THBS3: variants seen among roughly 807,000 people sequenced by gnomAD.
The protein encoded by THBS3 is thrombospondin 3, also known as thrombospondin-3.
THBS3 carries 78 observed loss-of-function variants against 118.3 expected under a neutral mutation model. That is an observed-to-expected ratio of 0.66 (90% CI 0.55 to 0.80). THBS3 has a LOEUF of 0.80. Among genes scored for constraint, THBS3 ranks in the 30% least tolerant of loss-of-function variants. The probability of loss-of-function intolerance (pLI) is 0.00; values close to 1 mark genes in which losing one functional copy is unlikely to be tolerated. For missense variants in THBS3, 1,057 were observed against 1,247.4 expected, an observed-to-expected ratio of 0.85 and a Z score of 2.30; for synonymous variants, 427 against 475.3, an observed-to-expected ratio of 0.90 and a Z score of 1.32.
At chr1:155,204,254 CAG>C (rs1286433463) in intron 4 of THBS3, among the ~76,000 whole-genome samples, 1 of 152,140 alleles carries the variant, frequency 6.6e-6, no homozygotes, top group Non-Finnish European at 1.5e-5. Context: ...GGGCAACACT[CAG>C]AGAAATTGCT....
At chr1:155,200,244 T>C in intron 14 of THBS3, 131 bp from the exon 15 acceptor site, 1 of 1,033,684 alleles carries the variant, frequency 9.7e-7, no homozygotes, top group Non-Finnish European at 1.4e-6. Flanking sequence ...GTTTCTTGTC[T>C]CACCCTCTAG....
Position 155,202,409 on chromosome 1 carries a change from C to T in THBS3, c.958-8G>A. ...GGGGTCAGCGTGAGCACACTGGGGA[C>T]CAGATGAGAAGGCAGAGGTCAGGCC... is the stretch of plus-strand genomic sequence containing the variant. On this transcript the variant is annotated splice_polypyrimidine_tract_variant and splice_region_variant and intron_variant, in intron 8 of 22. Coordinates refer to ENST00000368378, the MANE Select transcript of THBS3 (RefSeq NM_007112.5). The surrounding 1 kb of genome is among the most constrained non-coding windows in gnomAD (Gnocchi z 5.5). 2 of 1,613,372 alleles carry T rather than the reference C, an allele frequency of 1.2e-6. No individual in the cohort carries two copies. The highest frequency in any genetic ancestry group is 2.2e-5 in the East Asian group (1 of 44,878).
chr1:155,206,386 CCA>C lies in THBS3; in HGVS notation c.98_99del (p.Val33GlyfsTer86). 4.3e-6 allele frequency: 7 copies of C among 1,614,052 alleles called. No homozygotes were observed. The highest frequency in any genetic ancestry group is 5.9e-6 in the Non-Finnish European group (7 of 1,180,006). The part of the protein sequence containing the change: ...QDLQVIDLLT[V>X]GESRQMVAVA... Reference sequence around the variant, plus strand: ...ACAGCTACCATCTGCCGAGACTCGCCCACAGTCAGCAGGTCAATTACTGGTCA... The same window carrying C: ...ACAGCTACCATCTGCCGAGACTCGCCCAGTCAGCAGGTCAATTACTGGTCA... On this transcript the variant is annotated frameshift_variant, in exon 2 of 23. Transcript: ENST00000368378. LOFTEE classifies it high-confidence loss of function. This position sits in a 1 kb window ranked among gnomAD's most constrained non-coding sequence, Gnocchi z 4.2.
rs774789667 is a variant in THBS3, at chr1:155,198,101, C to T, written c.2194G>A (p.Val732Ile). Reference protein sequence around the residue: ...TLTDFRAYQTVVLDPEGDAQI... With the variant: ...TLTDFRAYQTIVLDPEGDAQI... ...GCATCACCCTCAGGATCCAGGACGA[C>T]GGTCTGATAGGCCCGAAAATCCGTA... The change falls in exon 18 of 23, where the codon GTC becomes ATC. Residue 732 changes from valine to isoleucine, a missense_variant. Val to Ile is a conservative substitution (Grantham distance 29). This residue lies in a region of THBS3 where 307 missense variants were observed against 326.1 expected (regional missense o/e 0.94). Transcript: ENST00000368378. 1.1e-5 allele frequency: 17 copies of T among 1,614,184 alleles called. No individual in the cohort carries two copies. Among genetic ancestry groups the T allele is most frequent in the Middle Eastern group, 3.3e-4 (2 of 6,062 alleles).
chr1:155,209,054 C>T (rs1398257389), upstream of THBS3: 10 of 1,540,208 alleles, frequency 6.5e-6, 1 homozygote, highest in Admixed American at 2.0e-4. Context: ...GATGGGCCGG[C>T]GGCCGCCCTC....
chr1:155,196,185 G>A, intron 21 of THBS3, 59 bp from the exon 22 acceptor site: 1 of 1,595,670 alleles, frequency 6.3e-7, no homozygotes, highest in Non-Finnish European at 8.6e-7. Context: ...TGGGCACTGT[G>A]CCACCATGCC....
Position 155,197,146 on chromosome 1 carries a change from G to A in THBS3, c.2567C>T (p.Pro856Leu). 2.5e-6 allele frequency: 4 copies of A among 1,614,222 alleles called. No homozygotes were observed. Among genetic ancestry groups the A allele is most frequent in the Non-Finnish European group, 3.4e-6 (4 of 1,180,038 alleles). ...RNALWHTGHT[P>L]DQVRLLWTDP... ...TGTCCACAGCAGTCGTACCTGATCAGGGGTGTGGCCAGTATGCCACAGGGC... is the reference window on the plus strand; with the variant it reads ...TGTCCACAGCAGTCGTACCTGATCAAGGGTGTGGCCAGTATGCCACAGGGC... Residue 856 changes from proline (P) to leucine (L), a missense_variant, in exon 21 of 23, where the codon CCT becomes CTT. Pro to Leu is a moderately conservative substitution (Grantham distance 98). Coordinates refer to ENST00000368378, the MANE Select transcript of THBS3 (RefSeq NM_007112.5). The surrounding 1 kb of genome is among the most constrained non-coding windows in gnomAD (Gnocchi z 5.0).
Position 155,200,133 on chromosome 1 carries a change from C to A in THBS3, c.1709-20G>T. ...GGATGCCTAGAAGACATGGGTAGCA[C>A]AAGGTTGTTACTAGAACATGCCATA... On this transcript the variant is annotated intron_variant, in intron 14 of 22. Transcript: ENST00000368378. 2 of 1,523,626 alleles carry A rather than the reference C, an allele frequency of 1.3e-6. No homozygotes were observed. Among genetic ancestry groups the A allele is most frequent in the Non-Finnish European group, 8.8e-7 (1 of 1,132,272 alleles). The allele number at this position is 1,523,626 out of a possible 1,614,324, so 94.4% of individuals were successfully genotyped here.
At position 155,201,423 on chromosome 1, in the gene THBS3, G is replaced by A. The variant is rs1669707739; in HGVS notation, c.1323C>T (p.Ser441=). Residue 441 remains serine (S), a synonymous_variant, in exon 11 of 23, where the codon TCC becomes TCT. Coordinates refer to ENST00000368378, the MANE Select transcript of THBS3 (RefSeq NM_007112.5). The part of the protein sequence containing the change: ...HCLFERNGAV[S]CQCNVGWAGN... ...CGCCTGAAGCCTAGCTCACCTGGCA[G>A]GACACTGCACCATTGCGTTCAAAGA... 1.2e-6 allele frequency: 2 copies of A among 1,603,468 alleles called. No individual in the cohort carries two copies. The highest frequency in any genetic ancestry group is 2.2e-5 in the South Asian group (2 of 89,514).
Position 155,202,027 on chromosome 1 carries a change from T to C in THBS3, c.1106A>G (p.Asn369Ser). 6.2e-7 allele frequency: 1 copy of C among 1,614,120 alleles called. No individual in the cohort carries two copies. The highest frequency in any genetic ancestry group is 1.1e-5 in the South Asian group (1 of 91,082). ...GCCATCGTTGCATTCATCGATGTCATTGCAGACCTGAAGGGGCAGACTTTG... is the reference window on the plus strand; with the variant it reads ...GCCATCGTTGCATTCATCGATGTCACTGCAGACCTGAAGGGGCAGACTTTG... ...DYARASKQVC[N>S]DIDECNDGNN... Residue 369 changes from asparagine to serine, a missense_variant, in exon 10 of 23, where the codon AAT becomes AGT. Physicochemically the swap from Asn to Ser is conservative, Grantham distance 46 (BLOSUM62 1). Around this residue, in one of 3 missense-constraint regions of THBS3, gnomAD observed 544 missense variants for 715.6 expected, o/e 0.76. Coordinates refer to ENST00000368378, the MANE Select transcript of THBS3 (RefSeq NM_007112.5). This position sits in a 1 kb window ranked among gnomAD's most constrained non-coding sequence, Gnocchi z 5.5.
intron 11 of THBS3, 83 bp from the exon 12 acceptor site, chr1:155,201,287 TC>T: frequency 1.3e-6 from 2 of 1,592,928 alleles, no homozygotes; most frequent in South Asian, 2.3e-5. Flanking sequence ...GGTCCTATTC[TC>T]CCCACCAAAC....
chr1:155,208,901 C>G (rs758403843), upstream of THBS3: 3 of 1,611,678 alleles, frequency 1.9e-6, no homozygotes, highest in South Asian at 3.3e-5. Context: ...CAAGAGCCCC[C>G]AGACCTGGCC....
In THBS3 at chr1:155,201,499, C is replaced by T. The variant is rs761943681; in HGVS notation, c.1247G>A (p.Arg416Gln). ...GCTGTGGGCTGGGCTGTGGCAGGTC[C>T]GGGCTGGGAGGCAGCCCTGGCTCTG... ...GNQSQGCLPARTCHSPAHSPC... is the reference protein window; with the variant it reads ...GNQSQGCLPAQTCHSPAHSPC... Residue 416 changes from arginine to glutamine, a missense_variant, in exon 11 of 23, where the codon CGG (arginine) becomes CAG (glutamine). Arg to Gln is a conservative substitution (Grantham distance 43, BLOSUM62 1). Around this residue, in one of 3 missense-constraint regions of THBS3, gnomAD observed 544 missense variants for 715.6 expected, o/e 0.76. Transcript: ENST00000368378. The T allele has an allele frequency of 1.1e-5, 17 of 1,613,442 alleles. No individual in the cohort carries two copies. The highest frequency in any genetic ancestry group is 1.0e-4 in the Admixed American group (6 of 59,946).
rs1460918456 is a variant in THBS3 at position 155,200,456 on chromosome 1, C to T, written c.1703G>A (p.Gly568Glu). The change falls in exon 14 of 23, where the codon GGG becomes GAG. Residue 568 changes from glycine (G) to glutamate (E), a missense_variant. Gly to Glu is a moderately conservative substitution (Grantham distance 98). Around this residue, in one of 3 missense-constraint regions of THBS3, gnomAD observed 544 missense variants for 715.6 expected, o/e 0.76. Coordinates refer to ENST00000368378, the MANE Select transcript of THBS3 (RefSeq NM_007112.5). The stretch of plus-strand genomic sequence containing the variant: ...CTTCAGCCCCAGGCCTGCACCATCC[C>T]CATCCACGTCGTTGTCACAGGCATC... ...EGDACDNDVD[G>E]DGIPNGLDNC... 1 of 1,614,044 alleles carries T rather than the reference C, an allele frequency of 6.2e-7. No individual in the cohort carries two copies. Among genetic ancestry groups the T allele is most frequent in the Non-Finnish European group, 8.5e-7 (1 of 1,179,938 alleles).
At position 155,195,941 on chromosome 1, in the gene THBS3, C is replaced by T. The variant is rs1379468908; in HGVS notation, c.2813-42G>A. On this transcript the variant is annotated intron_variant, in intron 22 of 22. Transcript: ENST00000368378. ...AAGTAAGGTCAGAGGATGTGGCTCT[C>T]CCACAAGGCATGAAGGATTAGGTTG... 1.9e-6 allele frequency: 3 copies of T among 1,614,054 alleles called. No individual in the cohort carries two copies. In the African/African-American group the frequency reaches 4.0e-5, roughly 22 times the overall value.
At chr1:155,204,704 A>C in intron 4 of THBS3, 151 bp downstream of exon 4, 1 of 723,822 alleles carries the variant, frequency 1.4e-6, no homozygotes, top group Non-Finnish European at 2.4e-6. Context: ...TTGTGGAGTC[A>C]GGTGAAAGAT....
At chr1:155,208,609 G>A (rs1005522202), upstream of THBS3, 11 of 592,914 alleles carry the variant, frequency 1.9e-5, no homozygotes, top group African/African-American at 2.1e-4. Context: ...GGTACTAGCG[G>A]ACGGGCCGTG....
chr1:155,196,128 T>G lies in THBS3; in HGVS notation c.2673-2A>C, dbSNP rs1379341901. The G allele has an allele frequency of 6.2e-7, 1 of 1,614,012 alleles. No individual in the cohort carries two copies. On this transcript the variant is annotated splice_acceptor_variant, in intron 21 of 22. Transcript: ENST00000368378. LOFTEE classifies it high-confidence loss of function. ...TGGGGTCCCTCATAGAGCTTCACCC[T>G]GTCCAGGATTCCAGGATAGGAGTAT...
At chr1:155,208,857 GGCCCTGGAGCAGTA>G (rs746005856), upstream of THBS3, 1 of 1,601,010 alleles carries the variant, frequency 6.2e-7, no homozygotes, top group South Asian at 1.1e-5. Flanking sequence ...AGCCCCAAGG[GGCCCTGGAGCAGTA>G]CAGGCCACGT....
Sources: gnomAD v4.1 joint callset for allele counts (sites outside exome capture counted in the v4.1 genomes callset) on GRCh38, gnomAD v4.1.1 for gene constraint, gnomAD v4.1.1 regional missense constraint, Gnocchi (gnomAD v3.1) non-coding constraint, MANE v1.5 for transcripts, NCBI Gene and HGNC (gene_info 2026-07-23, HGNC 2026-07-21) for gene names.